The following PCSK5 variants were observed in gnomAD, a reference collection of about 807,000 sequenced individuals.
PCSK5 encodes the protein prohormone convertase 5.
In PCSK5, 129 loss-of-function variants were observed where a neutral mutation model predicts 233.2. That is an observed-to-expected ratio of 0.55 (90% CI 0.48 to 0.64). The LOEUF (loss-of-function observed/expected upper bound fraction) is 0.64. Ranked by LOEUF, PCSK5 falls within the 30% of genes least tolerant of loss-of-function variation. PCSK5 has a pLI of 0.00. For missense variants in PCSK5, 2,076 were observed against 2,430.1 expected, an observed-to-expected ratio of 0.85 and a Z score of 3.06; for synonymous variants, 825 against 879.2, an observed-to-expected ratio of 0.94 and a Z score of 1.09.
intron 5 of PCSK5, among the ~76,000 whole-genome samples, chr9:76,042,820 T>C (rs1563990380): frequency 6.6e-6 from 1 of 152,168 alleles, no homozygotes; most frequent in African/African-American, 2.4e-5. Flanking sequence ...CACAATCACA[T>C]AGTGATGTTC....
chr9:76,235,440 A>T (rs755310489), intron 22 of PCSK5, among the ~76,000 whole-genome samples: 2 of 152,164 alleles, frequency 1.3e-5, no homozygotes, highest in Non-Finnish European at 2.9e-5. Flanking sequence ...TCCTACAACT[A>T]CTTGGACCAA....
At chr9:76,202,677 A>C (rs998298524) in intron 20 of PCSK5, among the ~76,000 whole-genome samples, 2 of 151,894 alleles carry the variant, frequency 1.3e-5, no homozygotes, top group African/African-American at 4.8e-5. Context: ...CGAATCATCT[A>C]TCGTCTGGGC....
chr9:76,064,992 T>C (rs1221020696), intron 5 of PCSK5, among the ~76,000 whole-genome samples: 1 of 152,250 alleles, frequency 6.6e-6, no homozygotes. Context: ...TGGCCAGGAT[T>C]TCATTCTGTT....
intron 2 of PCSK5, among the ~76,000 whole-genome samples, chr9:75,934,931 C>T (rs1402098953): frequency 6.6e-6 from 1 of 151,992 alleles, no homozygotes; most frequent in East Asian, 1.9e-4. Flanking sequence ...TTTTTATTTA[C>T]AGAGAATTTG....
rs572090850 is a variant in PCSK5 at position 75,994,605 on chromosome 9, G to T, written c.411+8360G>T. On this transcript the variant is annotated intron_variant, in intron 3 of 37. Coordinates refer to ENST00000674117, the MANE Select transcript of PCSK5 (RefSeq NM_001372043.1). ...GCCCAGCTACTTTTTTGTATTTTTAGTAGAGACGGGGTGTCACCGTGTTAA... is the reference window on the plus strand; with the variant it reads ...GCCCAGCTACTTTTTTGTATTTTTATTAGAGACGGGGTGTCACCGTGTTAA... 1.1e-4 allele frequency among the ~76,000 whole-genome samples: 16 copies of T among 151,638 alleles called. 1 individual carries two copies. The East Asian group carries it at 2.9e-3, about 28-fold the overall frequency.
intron 9 of PCSK5, among the ~76,000 whole-genome samples, chr9:76,123,796 A>G (rs1019548302): frequency 6.6e-6 from 1 of 152,188 alleles, no homozygotes; most frequent in African/African-American, 2.4e-5. Context: ...CTGCAAATAT[A>G]TCTTCTGTAT....
At chr9:76,128,053 G>T (rs67546252) in intron 9 of PCSK5, among the ~76,000 whole-genome samples, 1 of 152,104 alleles carries the variant, frequency 6.6e-6, no homozygotes, top group African/African-American at 2.4e-5. Flanking sequence ...AGAAATGAGG[G>T]GGGTAACCAT....
rs149435697 is a variant in PCSK5, at chr9:76,093,971, T to C, written c.895-1919T>C. On this transcript the variant is annotated intron_variant, in intron 7 of 37. Coordinates refer to ENST00000674117, the MANE Select transcript of PCSK5 (RefSeq NM_001372043.1). Reference sequence around the variant, plus strand: ...GTTTGTGATGGCTTGGTGATTTCTGTACCTTTCTCTCTATTTCATGAATAT... The same window carrying C: ...GTTTGTGATGGCTTGGTGATTTCTGCACCTTTCTCTCTATTTCATGAATAT... Among the ~76,000 whole-genome samples, 14 of 152,302 alleles carry C rather than the reference T, an allele frequency of 9.2e-5. No homozygotes were observed. In the East Asian group the frequency reaches 2.3e-3, roughly 25 times the overall value.
chr9:76,360,244 T>C lies in PCSK5; in HGVS notation c.*1322T>C, dbSNP rs2131540477. 6.6e-6 allele frequency: 1 copy of C among 152,348 alleles called. No individual in the cohort carries two copies. Among genetic ancestry groups the C allele is most frequent in the South Asian group, 2.1e-4 (1 of 4,828 alleles). 9.4% of individuals were successfully genotyped at this position (152,348 alleles called of 1,614,324 possible). On this transcript the variant is annotated 3_prime_UTR_variant, in exon 38 of 38. Coordinates refer to ENST00000674117, the MANE Select transcript of PCSK5 (RefSeq NM_001372043.1). ...ACCTACTACCAGATAACAAGCTAAGTAATTCCCCCCCAAAAATGCCCCACT... is the reference window on the plus strand; with the variant it reads ...ACCTACTACCAGATAACAAGCTAAGCAATTCCCCCCCAAAAATGCCCCACT...
intron 3 of PCSK5, among the ~76,000 whole-genome samples, chr9:75,997,089 T>C (rs1393622411): frequency 1.3e-5 from 2 of 152,178 alleles, no homozygotes; most frequent in Non-Finnish European, 2.9e-5. Context: ...AGGGTTCTTT[T>C]AGTAAGTGCT....
intron 3 of PCSK5, 137 bp from the exon 4 acceptor site, chr9:76,023,601 G>T: frequency 1.5e-6 from 1 of 686,174 alleles, no homozygotes. Flanking sequence ...GGAGTTTGAG[G>T]TTACAGTAAG....
At chr9:76,033,701 C>A (rs1481050183) in intron 5 of PCSK5, among the ~76,000 whole-genome samples, 1 of 152,094 alleles carries the variant, frequency 6.6e-6, no homozygotes, top group Non-Finnish European at 1.5e-5. Flanking sequence ...GTTCTGGAAC[C>A]TGGGATCGAG....
intron 5 of PCSK5, among the ~76,000 whole-genome samples, chr9:76,057,010 A>G (rs1008042579): frequency 3.9e-5 from 6 of 152,184 alleles, no homozygotes; most frequent in Non-Finnish European, 8.8e-5. Context: ...TTACATAAGA[A>G]TTGACTAGTA....
chr9:75,896,892 T>C (rs1195666198), intron 1 of PCSK5, among the ~76,000 whole-genome samples: 1 of 152,220 alleles, frequency 6.6e-6, no homozygotes, highest in African/African-American at 2.4e-5. Flanking sequence ...TATCCATCTC[T>C]ACATCAAAGG....
Position 76,014,250 on chromosome 9 carries a change from G to T in PCSK5, c.412-9488G>T, listed in dbSNP as rs890658483. Reference sequence around the variant, plus strand: ...CATAATTATTAAATACTGCAGCTCAGTTGCTTCTAAAATTTATTTTTATGA... The same window carrying T: ...CATAATTATTAAATACTGCAGCTCATTTGCTTCTAAAATTTATTTTTATGA... On this transcript the variant is annotated intron_variant, in intron 3 of 37. Transcript: ENST00000674117. Among the ~76,000 whole-genome samples the T allele has an allele frequency of 1.5e-4, 23 of 152,264 alleles. No homozygotes were observed. The East Asian group carries it at 2.1e-3, about 14-fold the overall frequency.
chr9:76,336,214 C>T (rs1021464476), intron 34 of PCSK5, among the ~76,000 whole-genome samples: 1 of 152,180 alleles, frequency 6.6e-6, no homozygotes, highest in East Asian at 1.9e-4. Context: ...TTCAAGTGTG[C>T]TCACTCAGAT....
intron 24 of PCSK5, chr9:76,287,289 CT>C: frequency 4.4e-6 from 1 of 228,872 alleles, no homozygotes. Context: ...GGGGCTTATT[CT>C]TTAGGTAATA....
chr9:76,230,405 GT>G (rs1449901069), intron 21 of PCSK5, among the ~76,000 whole-genome samples: 1 of 152,194 alleles, frequency 6.6e-6, no homozygotes, highest in Non-Finnish European at 1.5e-5. Context: ...ACATGGAAGG[GT>G]TCTATATCTG....
chr9:76,302,959 C>CTTTTTTTTT (rs10552673), intron 28 of PCSK5, among the ~76,000 whole-genome samples: 5 of 87,470 alleles, frequency 5.7e-5, no homozygotes, highest in South Asian at 4.9e-4. Context: ...CAAAGTGGTT[C>CTTTTTTTTT]TTTTTTTTTT....
Sources: gnomAD v4.1 joint callset for allele counts (sites outside exome capture counted in the v4.1 genomes callset) on GRCh38, gnomAD v4.1.1 for gene constraint, MANE v1.5 for transcripts, NCBI Gene and HGNC (gene_info 2026-07-23, HGNC 2026-07-21) for gene names.